The following PLCB1 variants were observed in gnomAD, a reference collection of about 807,000 sequenced individuals.
PLCB1 encodes phospholipase C beta 1.
A neutral mutation model predicts 161.8 loss-of-function variants in PLCB1; 46 were observed. That is an observed-to-expected ratio of 0.28 (90% CI 0.22 to 0.36). The LOEUF (loss-of-function observed/expected upper bound fraction) is 0.36. PLCB1 is among the 10% of genes least tolerant of loss of function. The pLI, the probability that PLCB1 is intolerant of heterozygous loss-of-function variation, is 1.00. For synonymous variants in PLCB1, 517 were observed against 503.7 expected, an observed-to-expected ratio of 1.03 and a Z score of -0.35; for missense variants, 1,016 against 1,472.5, an observed-to-expected ratio of 0.69 and a Z score of 5.07.
intron 3 of PLCB1, among the ~76,000 whole-genome samples, chr20:8,604,551 A>C (rs1367109585): frequency 6.6e-6 from 1 of 152,278 alleles, no homozygotes; most frequent in Non-Finnish European, 1.5e-5. Flanking sequence ...TTTCATGGAA[A>C]GTTTCTCATT....
intron 2 of PLCB1, among the ~76,000 whole-genome samples, chr20:8,304,814 GAAA>G (rs1984062193): frequency 6.6e-6 from 1 of 152,028 alleles, no homozygotes; most frequent in African/African-American, 2.4e-5. Flanking sequence ...ATTTTACAGA[GAAA>G]AAATGAGGCA....
intron 31 of PLCB1, among the ~76,000 whole-genome samples, chr20:8,824,174 G>C (rs1415521111): frequency 6.6e-6 from 1 of 152,124 alleles, no homozygotes; most frequent in Non-Finnish European, 1.5e-5. Flanking sequence ...ACTGCAGATT[G>C]TTGGGCCTGT....
At chr20:8,557,012 A>AAATAAAAT (rs1447502484) in intron 3 of PLCB1, among the ~76,000 whole-genome samples, 2 of 126,288 alleles carry the variant, frequency 1.6e-5, no homozygotes, top group East Asian at 2.2e-4. Context: ...ATAAATAAAT[A>AAATAAAAT]AAATAAATAA....
At chr20:8,845,147 T>A (rs2146294911) in intron 31 of PLCB1, among the ~76,000 whole-genome samples, 1 of 108,792 alleles carries the variant, frequency 9.2e-6, no homozygotes, top group South Asian at 2.7e-4. Flanking sequence ...AATAAAGTAC[T>A]AGATTATGTT....
intron 31 of PLCB1, among the ~76,000 whole-genome samples, chr20:8,821,904 C>T (rs1296304813): frequency 2.0e-5 from 3 of 152,084 alleles, no homozygotes; most frequent in Non-Finnish European, 4.4e-5. Flanking sequence ...CCATGCTTCT[C>T]CTGTTTCTGC....
chr20:8,736,939 C>T, intron 19 of PLCB1, 89 bp from the exon 20 acceptor site: 2 of 938,596 alleles, frequency 2.1e-6, no homozygotes, highest in Non-Finnish European at 3.3e-6. Flanking sequence ...TGCTGAAGAG[C>T]ATTTGTGGCT....
intron 2 of PLCB1, among the ~76,000 whole-genome samples, chr20:8,328,907 C>G (rs971793201): frequency 3.3e-5 from 5 of 152,022 alleles, no homozygotes; most frequent in African/African-American, 1.2e-4. Flanking sequence ...TGTGTGAGAC[C>G]CTGTGCTGGG....
chr20:8,726,407 G>A (rs142199727), intron 16 of PLCB1, among the ~76,000 whole-genome samples: 21 of 151,954 alleles, frequency 1.4e-4, no homozygotes, highest in South Asian at 4.2e-4. Flanking sequence ...GTCCATTCTC[G>A]TGCTGCTATG....
intron 3 of PLCB1, among the ~76,000 whole-genome samples, chr20:8,518,425 G>A (rs1030802420): frequency 6.6e-6 from 1 of 152,084 alleles, no homozygotes; most frequent in African/African-American, 2.4e-5. Context: ...TAGGACTGAA[G>A]AAAGAAAACC....
chr20:8,257,717 A>G (rs1174917136), intron 2 of PLCB1, among the ~76,000 whole-genome samples: 4 of 152,196 alleles, frequency 2.6e-5, no homozygotes, highest in Non-Finnish European at 5.9e-5. Context: ...TCTCACTGTC[A>G]ACACTACAGT....
chr20:8,181,700 C>T (rs1010556350), intron 2 of PLCB1, among the ~76,000 whole-genome samples: 1 of 152,034 alleles, frequency 6.6e-6, no homozygotes, highest in Non-Finnish European at 1.5e-5. Context: ...ACTGGCTGTT[C>T]GTGGTGGCTC....
intron 3 of PLCB1, among the ~76,000 whole-genome samples, chr20:8,515,275 A>G (rs1984062592): frequency 6.6e-6 from 1 of 152,220 alleles, no homozygotes; most frequent in Non-Finnish European, 1.5e-5. Flanking sequence ...CTGCTTCATT[A>G]TAACAGCAGT....
intron 3 of PLCB1, among the ~76,000 whole-genome samples, chr20:8,417,073 ATTTTTTTTTT>A (rs3031852): frequency 0.01 from 403 of 39,804 alleles, 4 homozygotes; most frequent in Middle Eastern, 0.042. Flanking sequence ...ATATATATAT[ATTTTTTTTTT>A]TTTTTTTTTT....
chr20:8,543,764 C>T (rs911854826), intron 3 of PLCB1, among the ~76,000 whole-genome samples: 2 of 151,992 alleles, frequency 1.3e-5, no homozygotes, highest in African/African-American at 2.4e-5. Flanking sequence ...GGGCAGTTCC[C>T]CCATGCTGTT....
chr20:8,315,524 G>A (rs1023334116), intron 2 of PLCB1, among the ~76,000 whole-genome samples: 2 of 152,080 alleles, frequency 1.3e-5, no homozygotes, highest in African/African-American at 4.8e-5. Context: ...CAAAAGATCT[G>A]GAAGTGTAAC....
At chr20:8,444,093 G>C (rs564420179) in intron 3 of PLCB1, among the ~76,000 whole-genome samples, 1 of 151,892 alleles carries the variant, frequency 6.6e-6, no homozygotes, top group African/African-American at 2.4e-5. Flanking sequence ...ACAATGTGCA[G>C]GTTTGTTACA....
intron 3 of PLCB1, among the ~76,000 whole-genome samples, chr20:8,507,592 T>G (rs1459716462): frequency 6.6e-6 from 1 of 152,090 alleles, no homozygotes; most frequent in Non-Finnish European, 1.5e-5. Flanking sequence ...AAAATCATGG[T>G]AGAAAAGCAG....
intron 2 of PLCB1, among the ~76,000 whole-genome samples, chr20:8,299,891 ACT>A (rs1983817902): frequency 6.6e-6 from 1 of 152,152 alleles, no homozygotes; most frequent in South Asian, 2.1e-4. Flanking sequence ...AACTTGGCTC[ACT>A]GCTCCTCAGG....
At chr20:8,846,693 T>G (rs75244223) in intron 31 of PLCB1, among the ~76,000 whole-genome samples, 2,118 of 152,234 alleles carry the variant, frequency 0.014, 47 homozygotes, top group African/African-American at 0.047. Context: ...TCATATTGAT[T>G]AACACAGTAA....
Sources: gnomAD v4.1 joint callset for allele counts (sites outside exome capture counted in the v4.1 genomes callset) on GRCh38, gnomAD v4.1.1 for gene constraint, MANE v1.5 for transcripts, NCBI Gene and HGNC (gene_info 2026-07-23, HGNC 2026-07-21) for gene names.